The following HS2ST1 variants were observed in gnomAD, a reference collection of about 807,000 sequenced individuals.
HS2ST1 encodes the protein heparan sulfate 2-O-sulfotransferase 1, also known as 2-O-sulfotransferase.
In HS2ST1, 18 loss-of-function variants were observed where a neutral mutation model predicts 42.9. The ratio of observed to expected loss-of-function variants is 0.42; its 90% confidence interval spans 0.29 to 0.62. The LOEUF is 0.62. Among genes scored for constraint, HS2ST1 ranks in the 20% least tolerant of loss-of-function variants. The pLI is 0.21. For synonymous variants in HS2ST1, 146 were observed against 152.9 expected, an observed-to-expected ratio of 0.95 and a Z score of 0.33; for missense variants, 334 against 433.8, an observed-to-expected ratio of 0.77 and a Z score of 2.04.
At chr1:87,096,918 A>C (rs1300633042) in intron 4 of HS2ST1, among the ~76,000 whole-genome samples, 1 of 152,244 alleles carries the variant, frequency 6.6e-6, no homozygotes, top group Non-Finnish European at 1.5e-5. Context: ...ATTTCTTCTT[A>C]TGAGCTACAA....
Position 87,021,506 on chromosome 1 carries a change from G to A in HS2ST1, c.125-51428G>A, listed in dbSNP as rs555717088. On this transcript the variant is annotated intron_variant, in intron 1 of 6. Coordinates refer to ENST00000370550, the MANE Select transcript of HS2ST1 (RefSeq NM_012262.4). Reference sequence around the variant, plus strand: ...TAGTTGGTAGTTGACAATATTATTGGTGGTGGTGGTGTTATTTATTTATTT... The same window carrying A: ...TAGTTGGTAGTTGACAATATTATTGATGGTGGTGGTGTTATTTATTTATTT... 9.9e-5 allele frequency among the ~76,000 whole-genome samples: 15 copies of A among 152,154 alleles called. 1 individual carries two copies. In the South Asian group the frequency reaches 3.1e-3, roughly 32 times the overall value.
intron 1 of HS2ST1, among the ~76,000 whole-genome samples, chr1:86,918,548 T>C (rs1660217120): frequency 6.6e-6 from 1 of 152,120 alleles, no homozygotes. Flanking sequence ...TAAACAATTA[T>C]AGGAAACATC....
At chr1:87,035,164 A>G (rs1650341779) in intron 1 of HS2ST1, among the ~76,000 whole-genome samples, 1 of 152,180 alleles carries the variant, frequency 6.6e-6, no homozygotes, top group Non-Finnish European at 1.5e-5. Context: ...AAGGAACATA[A>G]CCTAGCTGAC....
intron 3 of HS2ST1, among the ~76,000 whole-genome samples, chr1:87,091,055 T>C (rs142577395): frequency 5.7e-4 from 87 of 152,170 alleles, no homozygotes; most frequent in African/African-American, 2.1e-3. Flanking sequence ...TACCATCTGT[T>C]ATATATGCTT....
chr1:87,070,104 G>C (rs1368652114), intron 1 of HS2ST1, among the ~76,000 whole-genome samples: 1 of 152,070 alleles, frequency 6.6e-6, no homozygotes, highest in Admixed American at 6.6e-5. Context: ...TGTGTGAGTG[G>C]GTGAATCTTT....
chr1:86,914,966 G>T lies in HS2ST1; in HGVS notation c.-71G>T. 6.3e-7 allele frequency: 1 copy of T among 1,590,152 alleles called. No homozygotes were observed. The highest frequency in any genetic ancestry group is 8.6e-7 in the Non-Finnish European group (1 of 1,168,628). On this transcript the variant is annotated 5_prime_UTR_variant, in exon 1 of 7. Coordinates refer to ENST00000370550, the MANE Select transcript of HS2ST1 (RefSeq NM_012262.4). Reference sequence around the variant, plus strand: ...CTCCCGGCTCGGCGGGCTCCTCCCGGCGTCTCTCTCGCCTCCGGGGTCCCG... The same window carrying T: ...CTCCCGGCTCGGCGGGCTCCTCCCGTCGTCTCTCTCGCCTCCGGGGTCCCG...
At chr1:86,946,755 G>A (rs1232308927) in intron 1 of HS2ST1, among the ~76,000 whole-genome samples, 2 of 152,158 alleles carry the variant, frequency 1.3e-5, no homozygotes, top group African/African-American at 4.8e-5. Flanking sequence ...CCTAATTAAT[G>A]CACATAGCAT....
At chr1:87,023,139 T>TA (rs1649994160) in intron 1 of HS2ST1, among the ~76,000 whole-genome samples, 2 of 152,228 alleles carry the variant, frequency 1.3e-5, no homozygotes, top group Admixed American at 1.3e-4. Context: ...AAAGTTAGTG[T>TA]AATAGCAGAA....
intron 1 of HS2ST1, among the ~76,000 whole-genome samples, chr1:86,989,716 G>A (rs113361772): frequency 0.016 from 2,501 of 152,170 alleles, 77 homozygotes; most frequent in African/African-American, 0.057. Flanking sequence ...GCTATCCCTT[G>A]CCTAGCCCCC....
intron 1 of HS2ST1, among the ~76,000 whole-genome samples, chr1:87,009,866 C>T (rs966333337): frequency 2.0e-5 from 3 of 151,874 alleles, no homozygotes; most frequent in Non-Finnish European, 2.9e-5. Flanking sequence ...AACCCCGTCT[C>T]TACTAAAAAT....
At chr1:87,100,236 AGCTCCT>A (rs1320508718) in intron 5 of HS2ST1, among the ~76,000 whole-genome samples, 1 of 152,160 alleles carries the variant, frequency 6.6e-6, no homozygotes. Flanking sequence ...GTGGAATGCA[AGCTCCT>A]TCATGCTTGC....
chr1:86,918,966 TTTTATTTA>T (rs1203454558), intron 1 of HS2ST1, among the ~76,000 whole-genome samples: 4 of 150,920 alleles, frequency 2.7e-5, no homozygotes, highest in African/African-American at 7.3e-5. Context: ...TTTTTTTTAT[TTTTATTTA>T]TTTATTTATT....
chr1:86,917,109 TG>T (rs1480675220), intron 1 of HS2ST1, among the ~76,000 whole-genome samples: 1 of 152,194 alleles, frequency 6.6e-6, no homozygotes, highest in African/African-American at 2.4e-5. Flanking sequence ...TGGGTATACC[TG>T]GGAGTACAGG....
intron 1 of HS2ST1, among the ~76,000 whole-genome samples, chr1:87,011,327 G>A (rs1021646599): frequency 2.6e-5 from 4 of 151,944 alleles, no homozygotes; most frequent in Non-Finnish European, 4.4e-5. Context: ...GCTCACTGCA[G>A]CCTTGAACTC....
At chr1:86,919,404 C>T (rs1660242800) in intron 1 of HS2ST1, among the ~76,000 whole-genome samples, 1 of 152,130 alleles carries the variant, frequency 6.6e-6, no homozygotes, top group South Asian at 2.1e-4. Flanking sequence ...GGATTGTGTA[C>T]ATTTTCTGTA....
intron 1 of HS2ST1, among the ~76,000 whole-genome samples, chr1:86,915,533 A>G (rs948233689): frequency 6.6e-6 from 1 of 152,200 alleles, no homozygotes; most frequent in Non-Finnish European, 1.5e-5. Context: ...TGGAAGTCGT[A>G]CAGGAAGCCC....
chr1:86,946,647 A>C (rs934061831), intron 1 of HS2ST1, among the ~76,000 whole-genome samples: 1 of 152,184 alleles, frequency 6.6e-6, no homozygotes, highest in Non-Finnish European at 1.5e-5. Flanking sequence ...GTTTAAGAGC[A>C]TCTTTAATCA....
intron 1 of HS2ST1, chr1:87,046,037 C>T (rs1573202): frequency 0.77 from 516,223 of 670,154 alleles, 203,427 homozygotes; most frequent in East Asian, 0.97. Context: ...TGCAGTTTTA[C>T]CTGAAAGCTA....
intron 1 of HS2ST1, among the ~76,000 whole-genome samples, chr1:87,008,046 A>T (rs1345454280): frequency 6.6e-6 from 1 of 152,190 alleles, no homozygotes; most frequent in African/African-American, 2.4e-5. Flanking sequence ...TAACTAAGAA[A>T]GGTACTCAGA....
Sources: gnomAD v4.1 joint callset for allele counts (sites outside exome capture counted in the v4.1 genomes callset) on GRCh38, gnomAD v4.1.1 for gene constraint, MANE v1.5 for transcripts, NCBI Gene and HGNC (gene_info 2026-07-23, HGNC 2026-07-21) for gene names.